Variants in MVB12B observed in about 807,000 individuals in gnomAD.
The protein encoded by MVB12B is multivesicular body subunit 12B.
Under a neutral mutation model 41.6 loss-of-function variants are expected in MVB12B, and 16 were observed. That is an observed-to-expected ratio of 0.38 (90% CI 0.26 to 0.58). MVB12B has a LOEUF of 0.58. MVB12B is among the 20% of genes least tolerant of loss of function. The pLI is 0.62. For missense variants in MVB12B, 274 were observed against 380.2 expected, an observed-to-expected ratio of 0.72 and a Z score of 2.32; for synonymous variants, 133 against 139.7, an observed-to-expected ratio of 0.95 and a Z score of 0.34.
chr9:126,479,076 G>A (rs755270724), intron 7 of MVB12B, among the ~76,000 whole-genome samples: 1 of 152,070 alleles, frequency 6.6e-6, no homozygotes, highest in African/African-American at 2.4e-5. Flanking sequence ...AGCTGTGGAA[G>A]AGATGGATGT....
At chr9:126,441,644 A>G (rs920416599) in intron 7 of MVB12B, among the ~76,000 whole-genome samples, 1 of 152,268 alleles carries the variant, frequency 6.6e-6, no homozygotes, top group Non-Finnish European at 1.5e-5. Context: ...ACTGATTATT[A>G]TATAGTTAAT....
chr9:126,411,195 T>C (rs1344964113), intron 6 of MVB12B, among the ~76,000 whole-genome samples: 1 of 152,258 alleles, frequency 6.6e-6, no homozygotes, highest in Non-Finnish European at 1.5e-5. Context: ...TTATTTCTTT[T>C]TCATGCCACT....
rs548982162 is a variant in MVB12B, at chr9:126,392,312, C to T, written c.539+117C>T. On this transcript the variant is annotated intron_variant, in intron 5 of 9. Transcript: ENST00000361171. This position sits in a 1 kb window ranked among gnomAD's most constrained non-coding sequence, Gnocchi z 4.8. ...GCCCCCCAGGCTCTCAGCCATGGGCCTCTGTCAGCCCAGTGCTCCTCGCTG... is the reference window on the plus strand; with the variant it reads ...GCCCCCCAGGCTCTCAGCCATGGGCTTCTGTCAGCCCAGTGCTCCTCGCTG... The T allele has an allele frequency of 8.2e-7, 1 of 1,226,566 alleles. No homozygotes were observed. Among genetic ancestry groups the T allele is most frequent in the African/African-American group, 1.5e-5 (1 of 66,638 alleles). The allele number at this position is 1,226,566 out of a possible 1,614,324, so 76.0% of individuals were successfully genotyped here. A position where few individuals can be genotyped will look rare whatever the true frequency, so the allele number is the denominator to read the frequency against.
At chr9:126,490,038 G>A (rs559722853) in intron 9 of MVB12B, among the ~76,000 whole-genome samples, 3 of 152,314 alleles carry the variant, frequency 2.0e-5, no homozygotes, top group African/African-American at 7.2e-5. Flanking sequence ...GTGTCCCAGA[G>A]CCTGGAAAGT....
chr9:126,478,264 C>T lies in MVB12B; in HGVS notation c.758-3105C>T, dbSNP rs539330491. ...GGCTTTCATCTCCAGCAGCAGCAGG[C>T]GGGGGTAGCAGTGAGCAGGGTCCCC... On this transcript the variant is annotated intron_variant, in intron 7 of 9. Transcript: ENST00000361171. This position sits in a 1 kb window ranked among gnomAD's most constrained non-coding sequence, Gnocchi z 4.2. 8.5e-5 allele frequency among the ~76,000 whole-genome samples: 13 copies of T among 152,278 alleles called. No individual in the cohort carries two copies. The highest frequency in any genetic ancestry group is 2.9e-4 in the African/African-American group (12 of 41,552).
intron 1 of MVB12B, among the ~76,000 whole-genome samples, chr9:126,332,436 G>A (rs896502064): frequency 4.6e-5 from 7 of 152,144 alleles, no homozygotes; most frequent in Non-Finnish European, 7.3e-5. Context: ...CAAGCTCTCC[G>A]GGGCATTCTT....
chr9:126,491,426 A>G (rs1448228345), intron 9 of MVB12B, among the ~76,000 whole-genome samples: 3 of 152,172 alleles, frequency 2.0e-5, no homozygotes, highest in Admixed American at 1.3e-4. Flanking sequence ...TTAGATGTTG[A>G]AGAATTTTGT....
intron 2 of MVB12B, among the ~76,000 whole-genome samples, chr9:126,349,877 T>G (rs1014523321): frequency 2.9e-4 from 44 of 152,378 alleles, no homozygotes; most frequent in East Asian, 7.7e-4. Context: ...TATCCAGGAA[T>G]GCATTTGCTG....
rs1829187460 is a variant in MVB12B at position 126,333,506 on chromosome 9, G to A, written c.81+6496G>A. Among the ~76,000 whole-genome samples the A allele has an allele frequency of 6.6e-6, 1 of 152,178 alleles. No homozygotes were observed. The highest frequency in any genetic ancestry group is 2.4e-5 in the African/African-American group (1 of 41,424). On this transcript the variant is annotated intron_variant, in intron 1 of 9. Coordinates refer to ENST00000361171, the MANE Select transcript of MVB12B (RefSeq NM_033446.3). This position sits in a 1 kb window ranked among gnomAD's most constrained non-coding sequence, Gnocchi z 4.7. ...TGCAACCTCCACCTCCTGGGTTTAA[G>A]CGATTCTTGTGCCTCACCCTCTCGA... is the stretch of plus-strand genomic sequence containing the variant.
chr9:126,454,977 C>T (rs1302666918), intron 7 of MVB12B, among the ~76,000 whole-genome samples: 2 of 151,956 alleles, frequency 1.3e-5, no homozygotes, highest in African/African-American at 2.4e-5. Flanking sequence ...GCAGCCACTC[C>T]GGGGATGAGC....
intron 2 of MVB12B, among the ~76,000 whole-genome samples, chr9:126,363,256 G>A (rs1337937850): frequency 6.6e-6 from 1 of 152,068 alleles, no homozygotes; most frequent in East Asian, 1.9e-4. Flanking sequence ...TTGAATTCTT[G>A]TTTCTAATTC....
intron 6 of MVB12B, among the ~76,000 whole-genome samples, chr9:126,413,467 T>A (rs1470308121): frequency 6.6e-6 from 1 of 152,304 alleles, no homozygotes; most frequent in East Asian, 1.9e-4. Flanking sequence ...AATAGGTCAT[T>A]TCCCACATTT....
intron 2 of MVB12B, among the ~76,000 whole-genome samples, chr9:126,370,414 G>A (rs1350178904): frequency 1.4e-5 from 2 of 142,516 alleles, no homozygotes; most frequent in African/African-American, 2.6e-5. Flanking sequence ...ACAGAGTCTC[G>A]TTCTGTTGCC....
intron 7 of MVB12B, among the ~76,000 whole-genome samples, chr9:126,446,938 CTTT>C (rs33991689): frequency 1.5e-3 from 159 of 104,308 alleles, no homozygotes; most frequent in Middle Eastern, 6.7e-3. Context: ...TTTTAACTTT[CTTT>C]TTTTTTTTTT....
intron 2 of MVB12B, among the ~76,000 whole-genome samples, chr9:126,379,048 A>G (rs889864347): frequency 6.6e-6 from 1 of 152,176 alleles, no homozygotes; most frequent in Non-Finnish European, 1.5e-5. Context: ...TTAAAGACAC[A>G]GCTCCCTGTC....
At chr9:126,381,277 AT>A in intron 3 of MVB12B, 106 bp downstream of exon 3, 1 of 790,386 alleles carries the variant, frequency 1.3e-6, no homozygotes, top group Non-Finnish European at 2.1e-6. Flanking sequence ...TCATTGCCAT[AT>A]TAATTTATCT....
At chr9:126,464,521 A>G (rs1303453827) in intron 7 of MVB12B, among the ~76,000 whole-genome samples, 1 of 152,178 alleles carries the variant, frequency 6.6e-6, no homozygotes, top group Non-Finnish European at 1.5e-5. Flanking sequence ...AAGTAAAGGA[A>G]TGGTACACGA....
rs911246763 is a variant in MVB12B at position 126,478,910 on chromosome 9, A to G, written c.758-2459A>G. ...GAGAGGCAGTTCTTCACTCCCAAAT[A>G]CTAATAAGGTCTTTAAAACATCAGA... On this transcript the variant is annotated intron_variant, in intron 7 of 9. Coordinates refer to ENST00000361171, the MANE Select transcript of MVB12B (RefSeq NM_033446.3). This position sits in a 1 kb window ranked among gnomAD's most constrained non-coding sequence, Gnocchi z 4.2. 6.6e-6 allele frequency among the ~76,000 whole-genome samples: 1 copy of G among 152,122 alleles called. No individual in the cohort carries two copies. Among genetic ancestry groups the G allele is most frequent in the African/African-American group, 2.4e-5 (1 of 41,424 alleles).
In MVB12B at chr9:126,340,215, G is replaced by A. The variant is rs948431813; in HGVS notation, c.82-293G>A. Among the ~76,000 whole-genome samples, 1 of 152,064 alleles carries A rather than the reference G, an allele frequency of 6.6e-6. No individual in the cohort carries two copies. The highest frequency in any genetic ancestry group is 2.4e-5 in the African/African-American group (1 of 41,404). On this transcript the variant is annotated intron_variant, in intron 1 of 9. Transcript: ENST00000361171. The surrounding 1 kb of genome is among the most constrained non-coding windows in gnomAD (Gnocchi z 4.0). ...TTCAGAAATCAAGCAGCTGGATGGC[G>A]GAGTTAAGAATGACGTGCTCTTGGG...
Sources: gnomAD v4.1 joint callset for allele counts (sites outside exome capture counted in the v4.1 genomes callset) on GRCh38, gnomAD v4.1.1 for gene constraint, Gnocchi (gnomAD v3.1) non-coding constraint, MANE v1.5 for transcripts, NCBI Gene and HGNC (gene_info 2026-07-23, HGNC 2026-07-21) for gene names.